Variants in PAQR8 observed in about 807,000 individuals in gnomAD.
The protein encoded by PAQR8 is membrane progestin receptor beta.
A neutral mutation model predicts 25.2 loss-of-function variants in PAQR8; 17 were observed. The observed-to-expected ratio is 0.67, with a 90% CI of 0.46 to 1.01. PAQR8 has a LOEUF of 1.01. Among genes scored for constraint, PAQR8 ranks in the 50% least tolerant of loss-of-function variants. PAQR8 has a pLI of 0.00. For synonymous variants in PAQR8, 204 were observed against 190.6 expected, an observed-to-expected ratio of 1.07 and a Z score of -0.58; for missense variants, 392 against 448.4, an observed-to-expected ratio of 0.87 and a Z score of 1.14.
In PAQR8 at chr6:52,405,061, A is replaced by G. The variant is rs1482645818; in HGVS notation, c.*783A>G. 6.0e-6 allele frequency: 1 copy of G among 167,192 alleles called. No individual in the cohort carries two copies. Among genetic ancestry groups the G allele is most frequent in the East Asian group, 1.9e-4 (1 of 5,206 alleles). 10.4% of individuals were successfully genotyped at this position (167,192 alleles called of 1,614,324 possible). A position where few individuals can be genotyped will look rare whatever the true frequency, so the allele number is the denominator to read the frequency against. On this transcript the variant is annotated 3_prime_UTR_variant, in exon 2 of 2. Coordinates refer to ENST00000442253, the MANE Select transcript of PAQR8 (RefSeq NM_133367.5). ...CAAGAGCCACCAGGAGGCCCAGCCA[A>G]TAAGCATAGATACTATATGGTATCA...
intron 1 of PAQR8, among the ~76,000 whole-genome samples, chr6:52,378,672 T>C (rs1763514407): frequency 6.6e-6 from 1 of 151,756 alleles, no homozygotes; most frequent in South Asian, 2.1e-4. Flanking sequence ...ATGCCTGAAA[T>C]CCCAGCTACT....
intron 1 of PAQR8, among the ~76,000 whole-genome samples, chr6:52,363,891 T>TTTTTGC (rs1199888249): frequency 6.6e-6 from 1 of 151,950 alleles, no homozygotes; most frequent in East Asian, 1.9e-4. Flanking sequence ...TTTGTTTTTG[T>TTTTTGC]TTTTTATTTC....
chr6:52,399,498 G>A (rs1000847415), intron 1 of PAQR8, among the ~76,000 whole-genome samples: 1 of 152,142 alleles, frequency 6.6e-6, no homozygotes, highest in South Asian at 2.1e-4. Flanking sequence ...TGATGGATAC[G>A]CTATTTTAAG....
chr6:52,396,959 AG>A (rs1427989289), intron 1 of PAQR8, among the ~76,000 whole-genome samples: 3 of 152,148 alleles, frequency 2.0e-5, no homozygotes, highest in African/African-American at 7.2e-5. Flanking sequence ...GCTGAAGCTA[AG>A]GGCCTGGGAG....
At chr6:52,392,330 C>T (rs1012765418) in intron 1 of PAQR8, among the ~76,000 whole-genome samples, 19 of 147,112 alleles carry the variant, frequency 1.3e-4, no homozygotes, top group Non-Finnish European at 2.4e-4. Context: ...GGTGACAGAG[C>T]GAGACTCCAT....
chr6:52,391,023 A>G (rs1056441676), intron 1 of PAQR8, among the ~76,000 whole-genome samples: 31 of 152,256 alleles, frequency 2.0e-4, no homozygotes, highest in African/African-American at 7.0e-4. Flanking sequence ...TTTCCAGAAG[A>G]AAAGTAAAAT....
At position 52,382,859 on chromosome 6, in the gene PAQR8, A is replaced by G. The variant is rs139823171; in HGVS notation, c.-52-20303A>G. 5.6e-3 allele frequency among the ~76,000 whole-genome samples: 847 copies of G among 152,210 alleles called. 14 individuals are homozygous for G. Among genetic ancestry groups the G allele is most frequent in the African/African-American group, 0.019 (776 of 41,508 alleles). On this transcript the variant is annotated intron_variant, in intron 1 of 1. Transcript: ENST00000442253. ...ACCCAGACTAGAATGCGGTGTCACT[A>G]TCATGGCTCACTGCAGCCTCAATCT...
chr6:52,376,592 T>C (rs1054607297), intron 1 of PAQR8, among the ~76,000 whole-genome samples: 1 of 152,152 alleles, frequency 6.6e-6, no homozygotes, highest in Non-Finnish European at 1.5e-5. Context: ...AGACAAAATA[T>C]TAGATTAGCC....
intron 1 of PAQR8, among the ~76,000 whole-genome samples, chr6:52,384,435 T>G (rs1483944622): frequency 2.0e-5 from 3 of 151,376 alleles, no homozygotes; most frequent in Non-Finnish European, 4.4e-5. Flanking sequence ...CAGAGTGAAA[T>G]GGCTAGCACT....
At chr6:52,366,264 A>G (rs1763351576) in intron 1 of PAQR8, among the ~76,000 whole-genome samples, 2 of 152,194 alleles carry the variant, frequency 1.3e-5, no homozygotes, top group Admixed American at 1.3e-4. Flanking sequence ...TGTTTCATGA[A>G]ATGTTGACCA....
chr6:52,385,437 A>G (rs1763620813), intron 1 of PAQR8, among the ~76,000 whole-genome samples: 1 of 152,194 alleles, frequency 6.6e-6, no homozygotes, highest in Admixed American at 6.5e-5. Flanking sequence ...TAAGACCTCA[A>G]ACTATAAACA....
chr6:52,370,433 G>A (rs1416252003), intron 1 of PAQR8, among the ~76,000 whole-genome samples: 4 of 152,182 alleles, frequency 2.6e-5, no homozygotes, highest in Non-Finnish European at 5.9e-5. Flanking sequence ...TAAGAGAAGC[G>A]TAAAGCACGT....
chr6:52,374,411 C>T (rs540682092), intron 1 of PAQR8, among the ~76,000 whole-genome samples: 5 of 151,930 alleles, frequency 3.3e-5, no homozygotes, highest in South Asian at 4.1e-4. Context: ...CGTTTTGTTT[C>T]GTTTCTTTCA....
chr6:52,364,089 T>TTTTTTTTTG (rs1217655405), intron 1 of PAQR8, among the ~76,000 whole-genome samples: 1 of 143,296 alleles, frequency 7.0e-6, no homozygotes, highest in African/African-American at 2.6e-5. Context: ...ATATGTTTTT[T>TTTTTTTTTG]TTTTTTTTTT....
chr6:52,369,476 A>G (rs1763391854), intron 1 of PAQR8, among the ~76,000 whole-genome samples: 1 of 151,992 alleles, frequency 6.6e-6, no homozygotes, highest in South Asian at 2.1e-4. Flanking sequence ...ATATTGTGAA[A>G]CTCTGTATTT....
rs777353481 is a variant in PAQR8 at position 52,403,580 on chromosome 6, C to G, written c.367C>G (p.Leu123Val). The G allele has an allele frequency of 1.2e-6, 2 of 1,614,144 alleles. No individual in the cohort carries two copies. Residue 123 changes from leucine (L) to valine (V), a missense_variant, in exon 2 of 2, where the codon CTC becomes GTC. By Grantham distance (32) the Leu-to-Val change is conservative. Coordinates refer to ENST00000442253, the MANE Select transcript of PAQR8 (RefSeq NM_133367.5). ...CTTCATCCTGTCGTCAATCACTTACCTCACCTGCAGCCTTCTGGCCCACCT... is the reference window on the plus strand; with the variant it reads ...CTTCATCCTGTCGTCAATCACTTACGTCACCTGCAGCCTTCTGGCCCACCT... ...LLFILSSITY[L>V]TCSLLAHLLQ...
intron 1 of PAQR8, among the ~76,000 whole-genome samples, chr6:52,382,767 T>C (rs1175716154): frequency 6.6e-6 from 1 of 152,060 alleles, no homozygotes; most frequent in East Asian, 1.9e-4. Context: ...GGGAAGGGAA[T>C]GGGTAGACAT....
At chr6:52,372,350 A>C (rs1214009918) in intron 1 of PAQR8, among the ~76,000 whole-genome samples, 3 of 152,206 alleles carry the variant, frequency 2.0e-5, no homozygotes. Context: ...ATAGAGAACC[A>C]ATAATGATCA....
At chr6:52,402,778 A>G (rs1333485766) in intron 1 of PAQR8, among the ~76,000 whole-genome samples, 2 of 152,054 alleles carry the variant, frequency 1.3e-5, no homozygotes, top group Non-Finnish European at 2.9e-5. Context: ...CGTTGCATTA[A>G]AATAACCACG....
Sources: allele counts gnomAD v4.1 joint callset (sites outside exome capture counted in the v4.1 genomes callset), GRCh38; gene constraint gnomAD v4.1.1; transcripts MANE v1.5; gene names NCBI Gene and HGNC (gene_info 2026-07-23, HGNC 2026-07-21).